The following ZNF365 variants were observed in gnomAD, a reference collection of about 807,000 sequenced individuals.
ZNF365 encodes the protein protein ZNF365.
ZNF365 carries 22 observed loss-of-function variants against 35.0 expected under a neutral mutation model. The observed-to-expected ratio is 0.63, with a 90% CI of 0.45 to 0.90. The LOEUF is 0.90. Ranked by LOEUF, ZNF365 falls within the 40% of genes least tolerant of loss-of-function variation. The probability of loss-of-function intolerance (pLI) is 0.00; values close to 1 mark genes in which losing one functional copy is unlikely to be tolerated. For synonymous variants in ZNF365, 188 were observed against 196.2 expected, an observed-to-expected ratio of 0.96 and a Z score of 0.35; for missense variants, 448 against 500.3, an observed-to-expected ratio of 0.90 and a Z score of 1.00.
At chr10:62,406,395 A>G (rs1249977311), downstream of ZNF365, among the ~76,000 whole-genome samples, 1 of 152,020 alleles carries the variant, frequency 6.6e-6, no homozygotes. Context: ...CCCCTTTATA[A>G]TATTTAATGG....
intron 3 of ZNF365, among the ~76,000 whole-genome samples, chr10:62,394,245 A>C (rs1370729402): frequency 6.6e-6 from 1 of 152,186 alleles, no homozygotes; most frequent in Admixed American, 6.5e-5. Flanking sequence ...GCTCTCAAAA[A>C]GTTTCACATT....
chr10:62,456,918 A>G (rs1408755862), intron 3 of ZNF365, among the ~76,000 whole-genome samples: 1 of 152,150 alleles, frequency 6.6e-6, no homozygotes, highest in Non-Finnish European at 1.5e-5. Context: ...GGGTTGGCTG[A>G]GGTCAGATGA....
Position 62,376,649 on chromosome 10 carries a change from C to A in ZNF365, c.456C>A (p.Asp152Glu), listed in dbSNP as rs777826345. The A allele has an allele frequency of 6.2e-7, 1 of 1,614,032 alleles. No homozygotes were observed. Among genetic ancestry groups the A allele is most frequent in the African/African-American group, 1.3e-5 (1 of 74,928 alleles). ...TRSGPGLPTS[D>E]TKASFEAHVR... ...CGGGTCCTGGACTGCCCACCTCAGA[C>A]ACCAAAGCTTCTTTCGAGGCACATG... Residue 152 changes from aspartate to glutamate, a missense_variant, in exon 2 of 5, where the codon GAC becomes GAA. Asp to Glu is a conservative substitution (Grantham distance 45). Transcript: ENST00000395254.
intron 3 of ZNF365, among the ~76,000 whole-genome samples, chr10:62,444,420 T>G (rs1158161146): frequency 6.6e-6 from 1 of 152,172 alleles, no homozygotes; most frequent in Non-Finnish European, 1.5e-5. Flanking sequence ...AATTACAGCT[T>G]CTGCCAATTA....
intron 3 of ZNF365, among the ~76,000 whole-genome samples, chr10:62,415,363 T>A (rs1292077468): frequency 6.6e-6 from 1 of 152,150 alleles, no homozygotes; most frequent in Non-Finnish European, 1.5e-5. Flanking sequence ...GTGATTAGGG[T>A]TTGAACTGAG....
chr10:62,432,138 T>C (rs1840343725), intron 3 of ZNF365, among the ~76,000 whole-genome samples: 4 of 152,202 alleles, frequency 2.6e-5, no homozygotes, highest in Admixed American at 2.6e-4. Context: ...GTATTGTTCA[T>C]GAGTGGATGC....
intron 3 of ZNF365, among the ~76,000 whole-genome samples, chr10:62,450,970 G>C (rs969856737): frequency 2.6e-5 from 4 of 152,108 alleles, no homozygotes; most frequent in African/African-American, 9.7e-5. Flanking sequence ...TTTTGAACAA[G>C]AGCACAATCT....
chr10:62,473,996 T>C (rs1408651560), intron 4 of ZNF365, among the ~76,000 whole-genome samples: 1 of 152,170 alleles, frequency 6.6e-6, no homozygotes, highest in Non-Finnish European at 1.5e-5. Flanking sequence ...CAAGAATGTC[T>C]GTCACTCTTC....
At chr10:62,436,013 A>G (rs765944112) in intron 3 of ZNF365, among the ~76,000 whole-genome samples, 11 of 152,114 alleles carry the variant, frequency 7.2e-5, no homozygotes, top group Admixed American at 7.2e-4. Context: ...ACTCTTCAAA[A>G]TTTTTACTTC....
rs866316289 is a variant in ZNF365 at position 62,402,308 on chromosome 10, G to T, written c.*2519G>T. On this transcript the variant is annotated 3_prime_UTR_variant, in exon 5 of 5. Coordinates refer to ENST00000395254, the MANE Select transcript of ZNF365 (RefSeq NM_014951.3). Reference sequence around the variant, plus strand: ...CAAACTAGGTTACAGGTTCTTATCTGCAAGGTTCAAGTTGCTTAGACATTG... The same window carrying T: ...CAAACTAGGTTACAGGTTCTTATCTTCAAGGTTCAAGTTGCTTAGACATTG... 1.0e-6 allele frequency: 1 copy of T among 985,580 alleles called. No individual in the cohort carries two copies. The highest frequency in any genetic ancestry group is 4.7e-5 in the South Asian group (1 of 21,284). The allele number at this position is 985,580 out of a possible 1,614,324, so 61.1% of individuals were successfully genotyped here.
At chr10:62,375,092 G>A (rs569618847) in intron 1 of ZNF365, among the ~76,000 whole-genome samples, 1 of 152,232 alleles carries the variant, frequency 6.6e-6, no homozygotes, top group South Asian at 2.1e-4. Context: ...ACCCCAGCTG[G>A]GCTCCCTCAT....
intron 4 of ZNF365, among the ~76,000 whole-genome samples, chr10:62,466,112 G>T (rs143044803): frequency 2.6e-5 from 4 of 152,160 alleles, no homozygotes; most frequent in Non-Finnish European, 5.9e-5. Flanking sequence ...CACTGCGGGC[G>T]ACAAGAAGGA....
intron 3 of ZNF365, among the ~76,000 whole-genome samples, chr10:62,441,001 G>C (rs1840491471): frequency 6.6e-6 from 1 of 152,126 alleles, no homozygotes; most frequent in Non-Finnish European, 1.5e-5. Context: ...TATTTTCCTT[G>C]ATAACTAAGA....
chr10:62,450,151 G>T (rs2132472195), intron 3 of ZNF365, among the ~76,000 whole-genome samples: 1 of 152,172 alleles, frequency 6.6e-6, no homozygotes, highest in South Asian at 2.1e-4. Flanking sequence ...TGTCTTGTAT[G>T]ACCTAATTGT....
intron 3 of ZNF365, among the ~76,000 whole-genome samples, chr10:62,432,133 G>C (rs1008744838): frequency 6.6e-6 from 1 of 152,148 alleles, no homozygotes; most frequent in African/African-American, 2.4e-5. Context: ...CAGCAGTATT[G>C]TTCATGAGTG....
intron 3 of ZNF365, among the ~76,000 whole-genome samples, chr10:62,428,378 T>G (rs1564585710): frequency 6.6e-6 from 1 of 152,040 alleles, no homozygotes; most frequent in African/African-American, 2.4e-5. Context: ...GGGGGTCATT[T>G]CCCCCATGCT....
At chr10:62,422,364 G>A (rs1002866386) in intron 3 of ZNF365, among the ~76,000 whole-genome samples, 3 of 152,148 alleles carry the variant, frequency 2.0e-5, no homozygotes, top group Non-Finnish European at 4.4e-5. Flanking sequence ...TTCTTTGGTT[G>A]TTAAAGGCAA....
rs544555642 is a variant in ZNF365, at chr10:62,448,031, A to T, written c.925-11710A>T. On this transcript the variant is annotated intron_variant, in intron 3 of 4. Coordinates refer to the ZNF365 transcript ENST00000395255. ...CACCCAAACTCTACCAGTAGCCATT[A>T]ACATTTTATTACATTTGCTTTATCT... 1.1e-4 allele frequency among the ~76,000 whole-genome samples: 16 copies of T among 152,336 alleles called. No homozygotes were observed. In the South Asian group the frequency reaches 3.3e-3, roughly 32 times the overall value.
chr10:62,382,828 C>G (rs1375719390), intron 2 of ZNF365, among the ~76,000 whole-genome samples: 1 of 152,198 alleles, frequency 6.6e-6, no homozygotes, highest in African/African-American at 2.4e-5. Flanking sequence ...CTGAGGTGCT[C>G]TGTGATCAAT....
Sources: allele counts gnomAD v4.1 joint callset (sites outside exome capture counted in the v4.1 genomes callset), GRCh38; gene constraint gnomAD v4.1.1; transcripts MANE v1.5; gene names NCBI Gene and HGNC (gene_info 2026-07-23, HGNC 2026-07-21).